The following HEY1 variants were observed in gnomAD, a reference collection of about 807,000 sequenced individuals.
HEY1 encodes the protein hes related family bHLH transcription factor with YRPW motif 1.
In HEY1, 9 loss-of-function variants were observed where a neutral mutation model predicts 28.7. The observed-to-expected ratio is 0.31, with a 90% confidence interval of 0.19 to 0.55. HEY1 has a LOEUF of 0.55. HEY1 is among the 20% of genes least tolerant of loss of function. The pLI is 0.93. For missense variants in HEY1, 385 were observed against 399.4 expected (o/e 0.96, Z 0.31); for synonymous variants, 213 against 175.6 (o/e 1.21, Z -1.68).
Position 79,764,017 on chromosome 8 carries a change from T to A in HEY1, c.*1171A>T, listed in dbSNP as rs1807766696. On this transcript the variant is annotated 3_prime_UTR_variant, in exon 5 of 5. Coordinates refer to ENST00000354724, the MANE Select transcript of HEY1 (RefSeq NM_012258.4). ...AAGACATACACCACAGAATACTTTGTTCTTTCTTTTTTATTTAGTCACAAC... is the reference window on the plus strand; with the variant it reads ...AAGACATACACCACAGAATACTTTGATCTTTCTTTTTTATTTAGTCACAAC... The A allele has an allele frequency of 5.8e-6, 1 of 171,816 alleles. No individual in the cohort carries two copies. The highest frequency in any genetic ancestry group is 9.3e-5 in the East Asian group (1 of 10,710). 10.6% of individuals were successfully genotyped at this position (171,816 alleles called of 1,614,324 possible).
At chr8:79,766,329 T>C in intron 4 of HEY1, 1 of 1,504,568 alleles carries the variant, frequency 6.6e-7, no homozygotes, top group Admixed American at 2.3e-5. Flanking sequence ...TTTTAAATGC[T>C]TTTTCTCAAA....
chr8:79,767,710 G>T lies in HEY1; in HGVS notation c.-47C>A, dbSNP rs892734452. 8.3e-6 allele frequency: 12 copies of T among 1,446,538 alleles called. No homozygotes were observed. The Admixed American group carries it at 1.2e-4, about 14-fold the overall frequency. 89.6% of individuals were successfully genotyped at this position (1,446,538 alleles called of 1,614,324 possible). A position where few individuals can be genotyped will look rare whatever the true frequency, so the allele number is the denominator to read the frequency against. On this transcript the variant is annotated 5_prime_UTR_variant, in exon 1 of 5. Transcript: ENST00000354724. Reference sequence around the variant, plus strand: ...GGGGAGGGTCGGCGCGGCGGGCAGGGAGGAGTTAACTACAGCGGCGCCTCT... The same window carrying T: ...GGGGAGGGTCGGCGCGGCGGGCAGGTAGGAGTTAACTACAGCGGCGCCTCT...
chr8:79,765,793 A>G, intron 4 of HEY1, 22 bp from the exon 5 acceptor site: 1 of 1,581,552 alleles, frequency 6.3e-7, no homozygotes, highest in Admixed American at 1.8e-5. Context: ...AACAAAAGAA[A>G]AATCTCAGGG....
chr8:79,765,847 TC>T, intron 4 of HEY1, 76 bp from the exon 5 acceptor site: 1 of 1,258,834 alleles, frequency 7.9e-7, no homozygotes, highest in African/African-American at 1.5e-5. Context: ...AGACAGCCCT[TC>T]CTGGCAGATA....
chr8:79,766,625 G>A, intron 4 of HEY1, 26 bp downstream of exon 4: 1 of 1,613,348 alleles, frequency 6.2e-7, no homozygotes, highest in Non-Finnish European at 8.5e-7. Flanking sequence ...ACCATTCAGA[G>A]CCCCCACTAG....
rs1807812094 is a variant in HEY1 at position 79,765,560 on chromosome 8, C to T, written c.543G>A (p.Gly181=). ...TGTGCGGGTGATGTCCGAAGACGGT[C>T]CCCCAGGGAATGTGTCCGAGGCCCG... The part of the protein sequence containing the change: ...AHAGLGHIPW[G]TVFGHHPHIA... Residue 181 remains glycine (G), a synonymous_variant, in exon 5 of 5, where the codon GGG becomes GGA. Coordinates refer to ENST00000354724, the MANE Select transcript of HEY1 (RefSeq NM_012258.4). 1 of 1,614,084 alleles carries T rather than the reference C, an allele frequency of 6.2e-7. No homozygotes were observed. Among genetic ancestry groups the T allele is most frequent in the African/African-American group, 1.3e-5 (1 of 75,068 alleles).
chr8:79,767,583 G>T lies in HEY1; in HGVS notation c.81C>A (p.Asp27Glu). 1 of 1,608,216 alleles carries T rather than the reference G, an allele frequency of 6.2e-7. No homozygotes were observed. The highest frequency in any genetic ancestry group is 8.5e-7 in the Non-Finnish European group (1 of 1,178,030). Residue 27 changes from aspartate (D) to glutamate (E), a missense_variant, in exon 1 of 5, where the codon GAC (aspartate) becomes GAA (glutamate). By Grantham distance (45) the Asp-to-Glu change is conservative. Around this residue, in one of 3 missense-constraint regions of HEY1, gnomAD observed 79 missense variants for 60.7 expected, o/e 1.30. Coordinates refer to ENST00000354724, the MANE Select transcript of HEY1 (RefSeq NM_012258.4). Reference protein sequence around the residue: ...ETIEVEKESADENGNLSSALG... With the variant: ...ETIEVEKESAEENGNLSSALG... ...CGCCGCCGCCAGCTCACCCATTCTC[G>T]TCCGCACTCTCCTTCTCCACCTCGA...
rs1199016050 is a variant in HEY1 at position 79,767,270 on chromosome 8, G to A, written c.114C>T (p.Ser38=). Residue 38 remains serine (S), a synonymous_variant, in exon 2 of 5, where the codon TCC becomes TCT. Transcript: ENST00000354724. ...ENGNLSSALG[S]MSPTTSSQIL... is the part of the protein sequence containing the mutation. ...TCTGGGAAGATGTAGTTGGGGACAT[G>A]GAACCTAGAGCCGAACTCAAGTTTC... 8.7e-6 allele frequency: 14 copies of A among 1,613,782 alleles called. No homozygotes were observed. The highest frequency in any genetic ancestry group is 2.7e-5 in the African/African-American group (2 of 75,004).
Position 79,767,646 on chromosome 8 carries a change from G to C in HEY1, c.18C>G (p.Pro6=), listed in dbSNP as rs28445365. The C allele has an allele frequency of 6.1e-4, 978 of 1,604,312 alleles. 4 individuals carry two copies. In the African/African-American group the frequency reaches 0.011, roughly 18 times the overall value. Residue 6 remains proline (P), a synonymous_variant, in exon 1 of 5, where the codon CCC becomes CCG. Transcript: ENST00000354724. ...GCTCGCTGTCCGAGGAGCTGTACTCGGGGTGAGCTCGCTTCATGCTGGCTC... is the reference window on the plus strand; with the variant it reads ...GCTCGCTGTCCGAGGAGCTGTACTCCGGGTGAGCTCGCTTCATGCTGGCTC... The part of the protein sequence containing the change: MKRAH[P]EYSSSDSELD...
Position 79,764,999 on chromosome 8 carries a change from A to C in HEY1, c.*189T>G, listed in dbSNP as rs1807790793. On this transcript the variant is annotated 3_prime_UTR_variant, in exon 5 of 5. Transcript: ENST00000354724. The stretch of plus-strand genomic sequence containing the variant: ...ACTAGTTTTTAAAAACTGCTAATAC[A>C]TGACATGATGAAAAAAACATTAAAA... 1.9e-6 allele frequency: 1 copy of C among 513,910 alleles called. No individual in the cohort carries two copies. The highest frequency in any genetic ancestry group is 3.7e-5 in the Admixed American group (1 of 26,786). The allele number at this position is 513,910 out of a possible 1,614,324, so 31.8% of individuals were successfully genotyped here.
Position 79,766,994 on chromosome 8 carries a change from T to G in HEY1, c.249+15A>C. 2.5e-6 allele frequency: 4 copies of G among 1,605,358 alleles called. No homozygotes were observed. Among genetic ancestry groups the G allele is most frequent in the Non-Finnish European group, 3.4e-6 (4 of 1,172,206 alleles). On this transcript the variant is annotated intron_variant, in intron 3 of 4. Transcript: ENST00000354724. ...AGATAGCTATGCTGAGAGCTTTACC[T>G]ACTTGCTCCATTACCTGCTTCTCAA...
chr8:79,766,351 C>T (rs951493313), intron 4 of HEY1: 4 of 1,485,636 alleles, frequency 2.7e-6, no homozygotes, highest in East Asian at 4.9e-5. Flanking sequence ...TAGCAATGGA[C>T]AAATGTGAAA....
Position 79,764,283 on chromosome 8 carries a change from G to A in HEY1, c.*905C>T. 4.4e-6 allele frequency: 1 copy of A among 225,554 alleles called. No homozygotes were observed. The highest frequency in any genetic ancestry group is 8.8e-6 in the Non-Finnish European group (1 of 113,332). 14.0% of individuals were successfully genotyped at this position (225,554 alleles called of 1,614,324 possible). A position where few individuals can be genotyped will look rare whatever the true frequency, so the allele number is the denominator to read the frequency against. On this transcript the variant is annotated 3_prime_UTR_variant, in exon 5 of 5. Transcript: ENST00000354724. ...GGCAGTCCCAGGAAAATTAGGTTAT[G>A]CATTTAACAGTTTCCACTGTACTAC...
intron 2 of HEY1, 57 bp downstream of exon 2, chr8:79,767,162 G>C: frequency 6.4e-7 from 1 of 1,570,924 alleles, no homozygotes; most frequent in Non-Finnish European, 8.7e-7. Context: ...CAAAAAAAAA[G>C]GTGGTTATTT....
At chr8:79,767,545 C>G (rs1488918235) in intron 1 of HEY1, 30 bp downstream of exon 1, 1 of 1,579,370 alleles carries the variant, frequency 6.3e-7, no homozygotes, top group South Asian at 1.1e-5. Flanking sequence ...CCCGCTCTGG[C>G]TCGGCTCCGC....
chr8:79,767,134 G>T, intron 2 of HEY1, 42 bp from the exon 3 acceptor site: 2 of 1,583,644 alleles, frequency 1.3e-6, no homozygotes, highest in Non-Finnish European at 1.7e-6. Context: ...TTACCATTAC[G>T]ACTGTAAATT....
chr8:79,766,942 T>C (rs1334093159), intron 3 of HEY1, 67 bp downstream of exon 3: 2 of 1,388,778 alleles, frequency 1.4e-6, no homozygotes, highest in Non-Finnish European at 2.0e-6. Flanking sequence ...GCGGATGAGA[T>C]TAATGAGGGG....
At position 79,767,377 on chromosome 8, in the gene HEY1, C is replaced by T. The variant is rs536128981; in HGVS notation, c.90-83G>A. Reference sequence around the variant, plus strand: ...ATCTGAGAGGTCGCCCCCACACCCTCCCCGCACTCAGACTTTTTTTGCCAC... The same window carrying T: ...ATCTGAGAGGTCGCCCCCACACCCTTCCCGCACTCAGACTTTTTTTGCCAC... On this transcript the variant is annotated intron_variant, in intron 1 of 4. Coordinates refer to ENST00000354724, the MANE Select transcript of HEY1 (RefSeq NM_012258.4). The T allele has an allele frequency of 4.5e-5, 59 of 1,297,992 alleles. No individual in the cohort carries two copies. In the East Asian group the frequency reaches 1.4e-3, roughly 30 times the overall value. 80.4% of individuals were successfully genotyped at this position (1,297,992 alleles called of 1,614,324 possible). A position where few individuals can be genotyped will look rare whatever the true frequency, so the allele number is the denominator to read the frequency against.
Position 79,764,940 on chromosome 8 carries a change from T to C in HEY1, c.*248A>G, listed in dbSNP as rs1807789386. 2.5e-6 allele frequency: 1 copy of C among 400,622 alleles called. No individual in the cohort carries two copies. The highest frequency in any genetic ancestry group is 4.1e-5 in the Admixed American group (1 of 24,200). The allele number at this position is 400,622 out of a possible 1,614,324, so 24.8% of individuals were successfully genotyped here. ...TCACAAAGTGTTGGCTTATACTCACTATTTCAATTTAATGTCTTGAACAAA... is the reference window on the plus strand; with the variant it reads ...TCACAAAGTGTTGGCTTATACTCACCATTTCAATTTAATGTCTTGAACAAA... On this transcript the variant is annotated 3_prime_UTR_variant, in exon 5 of 5. Transcript: ENST00000354724.
Sources: gnomAD v4.1 joint callset for allele counts on GRCh38, gnomAD v4.1.1 for gene constraint, gnomAD v4.1.1 regional missense constraint, MANE v1.5 for transcripts, NCBI Gene and HGNC (gene_info 2026-07-23, HGNC 2026-07-21) for gene names.